Variants in GRAMD1B observed in about 807,000 individuals in gnomAD.
GRAMD1B encodes the protein GRAM domain containing 1B, also known as protein Aster-B.
In GRAMD1B, 37 loss-of-function variants were observed where a neutral mutation model predicts 99.7. The ratio of observed to expected loss-of-function variants is 0.37; its 90% confidence interval spans 0.29 to 0.49. The LOEUF (loss-of-function observed/expected upper bound fraction) is 0.49, where lower values mean the gene tolerates loss of function less well. Ranked by LOEUF, GRAMD1B falls within the 20% of genes least tolerant of loss-of-function variation. The probability of loss-of-function intolerance (pLI) is 0.98; values close to 1 mark genes in which losing one functional copy is unlikely to be tolerated. For missense variants in GRAMD1B, 888 were observed against 1,009.2 expected (o/e 0.88, Z 1.63); for synonymous variants, 427 against 387.6 (o/e 1.10, Z -1.19).
chr11:123,599,014 G>T, intron 7 of GRAMD1B: 1 of 1,109,892 alleles, frequency 9.0e-7, no homozygotes, highest in Non-Finnish European at 1.4e-6. Flanking sequence ...ATGTACTTGA[G>T]GCAACAGTCA....
At chr11:123,423,317 CTCCTT>C (rs536650139) in intron 1 of GRAMD1B, among the ~76,000 whole-genome samples, 36 of 151,810 alleles carry the variant, frequency 2.4e-4, no homozygotes, top group Non-Finnish European at 4.3e-4. Flanking sequence ...TCCCTCTCCT[CTCCTT>C]TCTTCTCCCC....
At chr11:123,540,201 G>A (rs1944369794) in intron 2 of GRAMD1B, among the ~76,000 whole-genome samples, 2 of 151,516 alleles carry the variant, frequency 1.3e-5, no homozygotes, top group Admixed American at 1.3e-4. Context: ...AAGTGGCTGA[G>A]ACTATAGGTG....
At chr11:123,619,563 T>C (rs1954864240) in intron 19 of GRAMD1B, 1 of 1,176,864 alleles carries the variant, frequency 8.5e-7, no homozygotes, top group Non-Finnish European at 1.1e-6. Context: ...TCAGCCCTTT[T>C]ACAGAGATTT....
intron 1 of GRAMD1B, among the ~76,000 whole-genome samples, chr11:123,445,185 CA>C (rs1949581159): frequency 6.6e-6 from 1 of 152,170 alleles, no homozygotes; most frequent in South Asian, 2.1e-4. Context: ...GATGCTTCTC[CA>C]AAGTGGGAAG....
intron 1 of GRAMD1B, among the ~76,000 whole-genome samples, chr11:123,366,807 C>T (rs1946335600): frequency 6.6e-6 from 1 of 152,200 alleles, no homozygotes; most frequent in African/African-American, 2.4e-5. Flanking sequence ...CAATTGTAGA[C>T]AGGGTGTAAT....
chr11:123,434,059 G>T (rs35081962), intron 1 of GRAMD1B, among the ~76,000 whole-genome samples: 1 of 151,640 alleles, frequency 6.6e-6, no homozygotes, highest in African/African-American at 2.4e-5. Context: ...GAGAAACACC[G>T]TCTCTACTAA....
intron 1 of GRAMD1B, among the ~76,000 whole-genome samples, chr11:123,469,772 T>TTCCTTCCTTCCTTCCTTCC (rs57120052): frequency 2.2e-4 from 24 of 108,384 alleles, no homozygotes; most frequent in African/African-American, 7.4e-4. Context: ...TTTCTTTCTC[T>TTCCTTCCTTCCTTCCTTCC]TTCTTTCCTT....
At chr11:123,410,156 TAGAAG>T in intron 1 of GRAMD1B, among the ~76,000 whole-genome samples, 1 of 151,568 alleles carries the variant, frequency 6.6e-6, no homozygotes, top group Non-Finnish European at 1.5e-5. Context: ...TCAGGACTCA[TAGAAG>T]AGAAGATTTT....
rs539719771 is a variant in GRAMD1B at position 123,457,772 on chromosome 11, G to A, written c.375-23044G>A. ...CACTCTATCGCCTGGGCTGGAGTGC[G>A]CTGGTGCAATCACGCTTACTGCAGC... On this transcript the variant is annotated intron_variant, in intron 1 of 19. Coordinates refer to ENST00000635736, the MANE Select transcript of GRAMD1B (RefSeq NM_001387025.1). Among the ~76,000 whole-genome samples, 15 of 152,240 alleles carry A rather than the reference G, an allele frequency of 9.9e-5. No homozygotes were observed. The South Asian group carries it at 2.9e-3, about 30-fold the overall frequency.
intron 1 of GRAMD1B, among the ~76,000 whole-genome samples, chr11:123,446,108 G>C (rs1949632549): frequency 6.6e-6 from 1 of 152,132 alleles, no homozygotes; most frequent in African/African-American, 2.4e-5. Flanking sequence ...GAAGGTCCAG[G>C]CTTTGTACTT....
chr11:123,464,323 GATA>G (rs762596785), intron 1 of GRAMD1B, among the ~76,000 whole-genome samples: 52 of 151,912 alleles, frequency 3.4e-4, no homozygotes, highest in African/African-American at 9.2e-4. Context: ...TAGTAATAAT[GATA>G]ATAATAATAA....
chr11:123,378,146 C>T (rs1179337823), intron 1 of GRAMD1B, among the ~76,000 whole-genome samples: 1 of 152,206 alleles, frequency 6.6e-6, no homozygotes, highest in Non-Finnish European at 1.5e-5. Context: ...AAGGTGCTAT[C>T]TTACTTCTGA....
intron 2 of GRAMD1B, among the ~76,000 whole-genome samples, chr11:123,551,973 A>G (rs1945658328): frequency 6.6e-6 from 1 of 152,174 alleles, no homozygotes; most frequent in African/African-American, 2.4e-5. Context: ...TCATGACTAC[A>G]GATTATTTAA....
rs185314339 is a variant in GRAMD1B, at chr11:123,594,985, A to G, written c.873+147A>G. 497 of 626,620 alleles carry G rather than the reference A, an allele frequency of 7.9e-4. 3 individuals are homozygous for G. The highest frequency in any genetic ancestry group is 3.4e-3 in the African/African-American group (187 of 54,784). 38.8% of individuals were successfully genotyped at this position (626,620 alleles called of 1,614,324 possible). The stretch of plus-strand genomic sequence containing the variant: ...ATGCCTGAGTCTTGAAAGATATTCA[A>G]TTCTAAGTCCCAATAATCAGGTCTC... On this transcript the variant is annotated intron_variant, in intron 6 of 19. Transcript: ENST00000635736.
chr11:123,426,571 C>T (rs192551049), upstream of GRAMD1B, among the ~76,000 whole-genome samples: 2 of 139,020 alleles, frequency 1.4e-5, no homozygotes, highest in Non-Finnish European at 3.0e-5. Flanking sequence ...GCTTCTTTCC[C>T]TCATAATGGG....
chr11:123,594,882 G>A (rs770744794), intron 6 of GRAMD1B, 44 bp downstream of exon 6: 2 of 995,296 alleles, frequency 2.0e-6, no homozygotes. Flanking sequence ...CCTTGGCTAT[G>A]GCTGAGCAAG....
intron 17 of GRAMD1B, among the ~76,000 whole-genome samples, chr11:123,616,311 G>A (rs1954378531): frequency 6.6e-6 from 1 of 152,204 alleles, no homozygotes; most frequent in South Asian, 2.1e-4. Context: ...GAAAGAGTGA[G>A]ACTCCATCTC....
chr11:123,392,234 C>A (rs1947308399), intron 1 of GRAMD1B, among the ~76,000 whole-genome samples: 2 of 152,080 alleles, frequency 1.3e-5, no homozygotes, highest in South Asian at 4.1e-4. Context: ...AGGGACAAGT[C>A]TCCAGATCGT....
chr11:123,589,614 T>TTTATATATATATATATATA (rs762751523), intron 4 of GRAMD1B, among the ~76,000 whole-genome samples: 1 of 128,278 alleles, frequency 7.8e-6, no homozygotes, highest in African/African-American at 3.5e-5. Context: ...TGGCTAATTT[T>TTTATATATATATATATATA]TATATATATA....
Sources: gnomAD v4.1 joint callset for allele counts (sites outside exome capture counted in the v4.1 genomes callset) on GRCh38, gnomAD v4.1.1 for gene constraint, MANE v1.5 for transcripts, NCBI Gene and HGNC (gene_info 2026-07-23, HGNC 2026-07-21) for gene names.